The following FBXL13 variants were observed in gnomAD, a reference collection of about 807,000 sequenced individuals.
FBXL13 encodes F-box and leucine-rich repeat protein 13.
FBXL13 carries 67 observed loss-of-function variants against 83.6 expected under a neutral mutation model. The ratio of observed to expected loss-of-function variants is 0.80; its 90% CI spans 0.66 to 0.98. The LOEUF is 0.98. FBXL13 is among the 50% of genes least tolerant of loss of function. The probability of loss-of-function intolerance (pLI) is 0.00; values close to 1 mark genes in which losing one functional copy is unlikely to be tolerated. For synonymous variants in FBXL13, 272 were observed against 299.5 expected (o/e 0.91, Z 0.95); for missense variants, 822 against 866.5 (o/e 0.95, Z 0.64).
intron 11 of FBXL13, among the ~76,000 whole-genome samples, chr7:102,897,135 G>A: frequency 6.6e-6 from 1 of 151,554 alleles, no homozygotes; most frequent in East Asian, 1.9e-4. Context: ...GTATATGTGT[G>A]TATCTATATG....
At chr7:102,897,943 T>A (rs925542366) in intron 11 of FBXL13, among the ~76,000 whole-genome samples, 5 of 152,192 alleles carry the variant, frequency 3.3e-5, no homozygotes, top group Non-Finnish European at 7.3e-5. Flanking sequence ...GTTCTCCCAC[T>A]CCTTTTGTAA....
chr7:103,066,972 G>C (rs1018552866), intron 1 of FBXL13, among the ~76,000 whole-genome samples: 3 of 151,768 alleles, frequency 2.0e-5, no homozygotes, highest in Non-Finnish European at 4.4e-5. Context: ...TGTATTTTTA[G>C]TGATCTTTCT....
rs866614870 is a variant in FBXL13 at position 103,033,886 on chromosome 7, C to T, written c.1-4468G>A. Among the ~76,000 whole-genome samples the T allele has an allele frequency of 9.2e-5, 14 of 152,098 alleles. No individual in the cohort carries two copies. The South Asian group carries it at 1.2e-3, about 14-fold the overall frequency. On this transcript the variant is annotated intron_variant, in intron 2 of 19. Coordinates refer to ENST00000313221, the Ensembl canonical transcript of FBXL13. ...AGCCAAGTGGTCTGTTTTGACAGGG[C>T]GCTGATTGGTGTGTTTACAATCCCT... is the stretch of plus-strand genomic sequence containing the variant.
chr7:103,024,181 G>GAGAGAGAA (rs1161306402), intron 6 of FBXL13, among the ~76,000 whole-genome samples: 2 of 140,638 alleles, frequency 1.4e-5, no homozygotes, highest in Non-Finnish European at 3.1e-5. Context: ...GAGAGAGAGA[G>GAGAGAGAA]AGAGAAATAA....
intron 2 of FBXL13, among the ~76,000 whole-genome samples, chr7:103,042,908 G>A (rs536268403): frequency 6.6e-6 from 1 of 152,212 alleles, no homozygotes; most frequent in South Asian, 2.1e-4. Context: ...ACATAGGCAT[G>A]GGCAAAGACT....
intron 16 of FBXL13, among the ~76,000 whole-genome samples, chr7:102,863,351 A>C (rs948377113): frequency 6.6e-6 from 1 of 152,210 alleles, no homozygotes; most frequent in Admixed American, 6.5e-5. Context: ...GGAATGGGGC[A>C]CCCAGGACTC....
At chr7:102,998,034 T>C (rs1262676594) in intron 6 of FBXL13, among the ~76,000 whole-genome samples, 3 of 152,220 alleles carry the variant, frequency 2.0e-5, no homozygotes, top group East Asian at 3.8e-4. Flanking sequence ...CCACCAACAG[T>C]GTATGAATGT....
chr7:102,900,748 T>G (rs1812867550), intron 11 of FBXL13, among the ~76,000 whole-genome samples: 1 of 152,184 alleles, frequency 6.6e-6, no homozygotes. Context: ...GGGGCTCAAT[T>G]TCAAACTCCA....
At chr7:102,930,762 C>T (rs35691225) in intron 9 of FBXL13, among the ~76,000 whole-genome samples, 1 of 152,144 alleles carries the variant, frequency 6.6e-6, no homozygotes, top group Non-Finnish European at 1.5e-5. Context: ...CTCAAACCTT[C>T]TAAGTTGATC....
intron 16 of FBXL13, among the ~76,000 whole-genome samples, chr7:102,860,979 TTATA>T (rs921842581): frequency 6.8e-6 from 1 of 147,194 alleles, no homozygotes; most frequent in Non-Finnish European, 1.5e-5. Context: ...TTATATATAG[TTATA>T]TATATATACA....
At chr7:102,819,757 G>A (rs912105984) in intron 19 of FBXL13, among the ~76,000 whole-genome samples, 14 of 152,194 alleles carry the variant, frequency 9.2e-5, no homozygotes, top group African/African-American at 3.4e-4. Flanking sequence ...AGCCTCTGCA[G>A]TTGAGGGAGC....
intron 6 of FBXL13, among the ~76,000 whole-genome samples, chr7:102,971,500 G>A: frequency 6.6e-6 from 1 of 151,926 alleles, no homozygotes; most frequent in Non-Finnish European, 1.5e-5. Flanking sequence ...GGGAGGCTGA[G>A]GCAGGAGAAT....
chr7:102,967,979 T>C (rs1186851862), intron 7 of FBXL13, 43 bp downstream of exon 8: 1 of 1,460,692 alleles, frequency 6.8e-7, no homozygotes, highest in African/African-American at 1.4e-5. Flanking sequence ...CATTCTCCTT[T>C]AAGAACTAGT....
At chr7:103,008,437 C>G (rs1436877587) in intron 6 of FBXL13, among the ~76,000 whole-genome samples, 1 of 152,198 alleles carries the variant, frequency 6.6e-6, no homozygotes, top group Non-Finnish European at 1.5e-5. Context: ...TTCATGGCAT[C>G]ATGCTGGCAA....
At chr7:102,985,664 A>C (rs1828856576) in intron 6 of FBXL13, among the ~76,000 whole-genome samples, 1 of 152,224 alleles carries the variant, frequency 6.6e-6, no homozygotes, top group African/African-American at 2.4e-5. Context: ...ATTGAACAGG[A>C]ATAACAGAAA....
At position 103,025,325 on chromosome 7, in the gene FBXL13, C is replaced by T. The variant is rs530720575; in HGVS notation, c.328-95G>A. On this transcript the variant is annotated intron_variant, in intron 5 of 19. Transcript: ENST00000313221. Reference sequence around the variant, plus strand: ...CACAGTGCTTGACACAAGAATAGGACCAATTAAACATTATTTATGATCGTC... The same window carrying T: ...CACAGTGCTTGACACAAGAATAGGATCAATTAAACATTATTTATGATCGTC... The T allele has an allele frequency of 9.2e-6, 6 of 654,868 alleles. No homozygotes were observed. The African/African-American group carries it at 1.1e-4, about 12-fold the overall frequency. 40.6% of individuals were successfully genotyped at this position (654,868 alleles called of 1,614,324 possible).
At chr7:103,073,409 G>A (rs753002971) in intron 1 of FBXL13, among the ~76,000 whole-genome samples, 5 of 152,104 alleles carry the variant, frequency 3.3e-5, no homozygotes, top group Non-Finnish European at 5.9e-5. Context: ...ATTGAGCCCA[G>A]GAGTTTGAGG....
In FBXL13 at chr7:102,982,223, G is replaced by A. The variant is rs138990718; in HGVS notation, c.496-14106C>T. On this transcript the variant is annotated intron_variant, in intron 6 of 19. Coordinates refer to ENST00000313221, the Ensembl canonical transcript of FBXL13. ...TAGTTCGATAGAACTATCATTGTGC[G>A]TCCTGGTGTAAACATTCCTCCTTTT... Among the ~76,000 whole-genome samples the A allele has an allele frequency of 3.8e-3, 573 of 152,170 alleles. 8 individuals are homozygous for A. Among genetic ancestry groups the A allele is most frequent in the African/African-American group, 0.013 (560 of 41,490 alleles).
At chr7:102,846,409 G>C (rs1246136375) in intron 17 of FBXL13, among the ~76,000 whole-genome samples, 1 of 152,114 alleles carries the variant, frequency 6.6e-6, no homozygotes, top group Non-Finnish European at 1.5e-5. Flanking sequence ...CCTGAGGTCA[G>C]GGGTTCAAGA....
Sources: allele counts gnomAD v4.1 joint callset (sites outside exome capture counted in the v4.1 genomes callset), GRCh38; gene constraint gnomAD v4.1.1; transcripts MANE v1.5; gene names NCBI Gene and HGNC (gene_info 2026-07-23, HGNC 2026-07-21).